FOXJ3: variants seen among roughly 807,000 people sequenced by gnomAD.
The protein encoded by FOXJ3 is forkhead box J3.
In FOXJ3, 22 loss-of-function variants were observed where a neutral mutation model predicts 76.1. The observed-to-expected ratio is 0.29, with a 90% CI of 0.21 to 0.41. The LOEUF (loss-of-function observed/expected upper bound fraction) is 0.41. Ranked by LOEUF, FOXJ3 falls within the 10% of genes least tolerant of loss-of-function variation. The pLI is 1.00. For synonymous variants in FOXJ3, 269 were observed against 261.2 expected (o/e 1.03, Z -0.29); for missense variants, 613 against 762.1 (o/e 0.80, Z 2.30).
chr1:42,311,497 CCA>C (rs1483751352), intron 1 of FOXJ3, among the ~76,000 whole-genome samples: 1 of 152,164 alleles, frequency 6.6e-6, no homozygotes, highest in Non-Finnish European at 1.5e-5. Flanking sequence ...CCAAAAGCTA[CCA>C]CAGAGTTAAG....
In FOXJ3 at chr1:42,333,827, A is replaced by G. The variant is rs567838681; in HGVS notation, c.-18+1232T>C. Among the ~76,000 whole-genome samples, 5 of 152,382 alleles carry G rather than the reference A, an allele frequency of 3.3e-5. No individual in the cohort carries two copies. In the South Asian group the frequency reaches 1.0e-3, roughly 32 times the overall value. On this transcript the variant is annotated intron_variant, in intron 1 of 12. Coordinates refer to ENST00000361346, the MANE Select transcript of FOXJ3 (RefSeq NM_014947.5). ...AGTGAAGTAAAAGAGCTTCTACAAA[A>G]TAAGTGACTAGGTGAAACTAGTGCT... is the stretch of plus-strand genomic sequence containing the variant.
intron 6 of FOXJ3, among the ~76,000 whole-genome samples, chr1:42,200,085 C>A (rs1416511339): frequency 1.3e-5 from 2 of 151,008 alleles, no homozygotes; most frequent in Non-Finnish European, 3.0e-5. Context: ...GAGTTTTGAC[C>A]TCATGGACTC....
chr1:42,327,194 G>A (rs529826301), intron 1 of FOXJ3, among the ~76,000 whole-genome samples: 1 of 152,286 alleles, frequency 6.6e-6, no homozygotes, highest in Non-Finnish European at 1.5e-5. Flanking sequence ...TGCCATTTCT[G>A]ATGGTGACGG....
Position 42,243,222 on chromosome 1 carries a change from T to C in FOXJ3, c.445-15256A>G, listed in dbSNP as rs889703730. Among the ~76,000 whole-genome samples, 3 of 119,344 alleles carry C rather than the reference T, an allele frequency of 2.5e-5. No individual in the cohort carries two copies. The Admixed American group carries it at 3.0e-4, about 12-fold the overall frequency. 78.3% of individuals were successfully genotyped at this position (119,344 alleles called of 152,430 possible). On this transcript the variant is annotated intron_variant, in intron 4 of 12. Coordinates refer to ENST00000361346, the MANE Select transcript of FOXJ3 (RefSeq NM_014947.5). ...ATGAGCAAAAGGATGGTATTTACCA[T>C]CAAGAAAACACGGAGAAGTATAAAA...
At chr1:42,289,666 C>A (rs867437991) in intron 2 of FOXJ3, among the ~76,000 whole-genome samples, 2 of 152,254 alleles carry the variant, frequency 1.3e-5, no homozygotes, top group Middle Eastern at 3.4e-3. Context: ...AAAAAATAAT[C>A]TCTGAATTAC....
chr1:42,278,752 G>A, intron 2 of FOXJ3, 80 bp from the exon 3 acceptor site: 1 of 1,039,948 alleles, frequency 9.6e-7, no homozygotes, highest in South Asian at 1.6e-5. Flanking sequence ...ACAAATCTAG[G>A]AGTTCCAAAG....
chr1:42,228,207 C>A (rs1412034498), intron 4 of FOXJ3, among the ~76,000 whole-genome samples: 2 of 151,918 alleles, frequency 1.3e-5, no homozygotes, highest in Non-Finnish European at 2.9e-5. Flanking sequence ...TTCTGCCACA[C>A]CAAAATTTAG....
chr1:42,203,862 G>A (rs1275813534), intron 6 of FOXJ3, among the ~76,000 whole-genome samples: 2 of 151,976 alleles, frequency 1.3e-5, no homozygotes, highest in Admixed American at 6.6e-5. Flanking sequence ...CAGGCGCAGT[G>A]GTGGGCACCT....
chr1:42,280,647 T>C (rs1302707768), intron 2 of FOXJ3, among the ~76,000 whole-genome samples: 1 of 152,002 alleles, frequency 6.6e-6, no homozygotes, highest in East Asian at 1.9e-4. Flanking sequence ...TTAAAGCTCA[T>C]CCAATTTCAC....
At chr1:42,239,739 T>C (rs567757728) in intron 4 of FOXJ3, among the ~76,000 whole-genome samples, 1 of 152,302 alleles carries the variant, frequency 6.6e-6, no homozygotes, top group Admixed American at 6.5e-5. Flanking sequence ...TGGCCTATAA[T>C]TTTGTTGAAG....
At chr1:42,325,173 G>T (rs917788860) in intron 1 of FOXJ3, among the ~76,000 whole-genome samples, 3 of 152,168 alleles carry the variant, frequency 2.0e-5, no homozygotes, top group African/African-American at 7.2e-5. Context: ...ATACAATGTT[G>T]TTTGATTAAG....
At chr1:42,287,564 T>C (rs1193201101) in intron 2 of FOXJ3, among the ~76,000 whole-genome samples, 2 of 152,156 alleles carry the variant, frequency 1.3e-5, no homozygotes, top group Non-Finnish European at 2.9e-5. Flanking sequence ...AATCACAATA[T>C]GTTTATTGCT....
chr1:42,286,124 G>T (rs1266566879), intron 2 of FOXJ3, among the ~76,000 whole-genome samples: 1 of 152,036 alleles, frequency 6.6e-6, no homozygotes, highest in East Asian at 1.9e-4. Flanking sequence ...AATCTAAAAA[G>T]AAATAAAATA....
chr1:42,297,117 A>G (rs1016425269), intron 2 of FOXJ3, among the ~76,000 whole-genome samples: 2 of 152,060 alleles, frequency 1.3e-5, no homozygotes, highest in South Asian at 4.1e-4. Context: ...TCAGCTTCAA[A>G]GTTATTTATA....
chr1:42,219,548 T>G (rs1432046041), intron 5 of FOXJ3, among the ~76,000 whole-genome samples: 1 of 152,202 alleles, frequency 6.6e-6, no homozygotes, highest in East Asian at 1.9e-4. Context: ...CTCATGACTT[T>G]ATAACATAAC....
chr1:42,191,209 G>T, intron 9 of FOXJ3, 94 bp downstream of exon 9: 1 of 1,152,154 alleles, frequency 8.7e-7, no homozygotes, highest in Non-Finnish European at 1.2e-6. Flanking sequence ...GATGTAAAGA[G>T]GTTTTGGTAG....
At chr1:42,285,224 T>C (rs1408419535) in intron 2 of FOXJ3, among the ~76,000 whole-genome samples, 1 of 152,154 alleles carries the variant, frequency 6.6e-6, no homozygotes, top group Non-Finnish European at 1.5e-5. Context: ...ATCTATGTAT[T>C]AAGCCTGGCA....
At chr1:42,184,998 G>C (rs185067183) in intron 11 of FOXJ3, among the ~76,000 whole-genome samples, 24 of 152,198 alleles carry the variant, frequency 1.6e-4, no homozygotes, top group African/African-American at 5.8e-4. Context: ...TCAGTGATCA[G>C]ATTGTGTAGG....
chr1:42,212,232 T>C (rs1307245976), intron 5 of FOXJ3, among the ~76,000 whole-genome samples: 7 of 152,054 alleles, frequency 4.6e-5, no homozygotes, highest in South Asian at 2.1e-4. Flanking sequence ...CTGGGTGACA[T>C]AGCAAGACTC....
Sources: gnomAD v4.1 joint callset for allele counts (sites outside exome capture counted in the v4.1 genomes callset) on GRCh38, gnomAD v4.1.1 for gene constraint, MANE v1.5 for transcripts, NCBI Gene and HGNC (gene_info 2026-07-23, HGNC 2026-07-21) for gene names.